The following EVC2 variants were observed in gnomAD, a reference collection of about 807,000 sequenced individuals.
EVC2 encodes the protein limbin.
A neutral mutation model predicts 149.3 loss-of-function variants in EVC2; 148 were observed. The observed-to-expected ratio is 0.99, with a 90% confidence interval of 0.87 to 1.14. The LOEUF is 1.14. Ranked by LOEUF, EVC2 falls within the 50% of genes most tolerant of loss-of-function variation. The probability of loss-of-function intolerance (pLI) is 0.00; values close to 1 mark genes in which losing one functional copy is unlikely to be tolerated. For synonymous variants in EVC2, 776 were observed against 649.9 expected, an observed-to-expected ratio of 1.19 and a Z score of -2.95; for missense variants, 1,854 against 1,627.3, an observed-to-expected ratio of 1.14 and a Z score of -2.40.
intron 9 of EVC2, among the ~76,000 whole-genome samples, chr4:5,648,011 A>C (rs59092055): frequency 6.6e-6 from 1 of 152,092 alleles, no homozygotes; most frequent in African/African-American, 2.4e-5. Context: ...ACGTCCCCTA[A>C]AGCTGACGTC....
chr4:5,621,108 T>C (rs1715655420), intron 14 of EVC2, among the ~76,000 whole-genome samples: 1 of 152,186 alleles, frequency 6.6e-6, no homozygotes, highest in Non-Finnish European at 1.5e-5. Context: ...CAAACCAAGA[T>C]AGTATCAATC....
chr4:5,618,711 AAC>A lies in EVC2; in HGVS notation c.2502-31_2502-30del. The A allele has an allele frequency of 6.4e-7, 1 of 1,559,860 alleles. No homozygotes were observed. Among genetic ancestry groups the A allele is most frequent in the South Asian group, 1.2e-5 (1 of 84,926 alleles). ...GGAGGAAGAACAGAGACACACTCTT[AAC>A]ACAGAGAAAGCCTGGGGGCTGGGCT... is the stretch of plus-strand genomic sequence containing the variant. On this transcript the variant is annotated intron_variant, in intron 14 of 21. Coordinates refer to ENST00000344408, the MANE Select transcript of EVC2 (RefSeq NM_147127.5). This position sits in a 1 kb window ranked among gnomAD's most constrained non-coding sequence, Gnocchi z 4.4.
rs555652075 is a variant in EVC2 at position 5,576,338 on chromosome 4, C to T, written c.3174G>A (p.Leu1058=). The change falls in exon 18 of 22, where the codon CTG becomes CTA. Residue 1058 remains leucine (L), a synonymous_variant. Coordinates refer to ENST00000344408, the MANE Select transcript of EVC2 (RefSeq NM_147127.5). The surrounding 1 kb of genome is among the most constrained non-coding windows in gnomAD (Gnocchi z 4.5). Reference sequence around the variant, plus strand: ...CAGAATCCACCTCCCCAGGTTCGTTCAGAATCCCGGGCCCATCGGCCACCC... The same window carrying T: ...CAGAATCCACCTCCCCAGGTTCGTTTAGAATCCCGGGCCCATCGGCCACCC... ...QQWVADGPGI[L]NEPGEVDSER... is the part of the protein sequence containing the mutation. 88 of 1,614,220 alleles carry T rather than the reference C, an allele frequency of 5.5e-5. No homozygotes were observed. In the South Asian group the frequency reaches 9.2e-4, roughly 17 times the overall value.
chr4:5,597,093 G>C (rs1165456050), intron 16 of EVC2, among the ~76,000 whole-genome samples: 1 of 152,076 alleles, frequency 6.6e-6, no homozygotes, highest in Non-Finnish European at 1.5e-5. Flanking sequence ...CAACCAAAAA[G>C]AGTCCAGGAC....
chr4:5,683,428 G>A (rs775048726), intron 6 of EVC2, among the ~76,000 whole-genome samples: 24 of 152,170 alleles, frequency 1.6e-4, no homozygotes, highest in Admixed American at 3.9e-4. Flanking sequence ...ATGCAGTTAC[G>A]TTTTTTAGTT....
At chr4:5,631,647 T>C (rs1183667091) in intron 11 of EVC2, 146 bp downstream of exon 11, 4 of 1,165,144 alleles carry the variant, frequency 3.4e-6, no homozygotes, top group Non-Finnish European at 4.8e-6. Context: ...CCCTGCTTAC[T>C]GGAAACTCAC....
rs1720080338 is a variant in EVC2 at position 5,677,630 on chromosome 4, C to T, written c.870+3630G>A. On this transcript the variant is annotated intron_variant, in intron 7 of 21. Coordinates refer to ENST00000344408, the MANE Select transcript of EVC2 (RefSeq NM_147127.5). The surrounding 1 kb of genome is among the most constrained non-coding windows in gnomAD (Gnocchi z 4.3). ...GGCATCGGGGAAGAGCTCAGAAATACCCTTACATGAGCATTCTCTGCCTTT... is the reference window on the plus strand; with the variant it reads ...GGCATCGGGGAAGAGCTCAGAAATATCCTTACATGAGCATTCTCTGCCTTT... 6.6e-6 allele frequency among the ~76,000 whole-genome samples: 1 copy of T among 152,248 alleles called. No homozygotes were observed. The highest frequency in any genetic ancestry group is 2.1e-4 in the South Asian group (1 of 4,836).
intron 9 of EVC2, among the ~76,000 whole-genome samples, chr4:5,644,240 CTTCT>C (rs1332147542): frequency 2.0e-5 from 3 of 152,082 alleles, no homozygotes; most frequent in African/African-American, 7.2e-5. Flanking sequence ...ATTTGTTTTC[CTTCT>C]TTTTTTGAGT....
chr4:5,658,732 G>A (rs1718690224), intron 9 of EVC2, among the ~76,000 whole-genome samples: 1 of 152,230 alleles, frequency 6.6e-6, no homozygotes, highest in Non-Finnish European at 1.5e-5. Flanking sequence ...ATTACTACCT[G>A]TGTGACCTTA....
intron 7 of EVC2, among the ~76,000 whole-genome samples, chr4:5,673,049 G>A (rs1377045828): frequency 6.6e-6 from 1 of 152,210 alleles, no homozygotes; most frequent in Non-Finnish European, 1.5e-5. Context: ...TGGGGAAAAT[G>A]TTCTGTAAGC....
chr4:5,536,583 G>C, the EVC2 span, among the ~76,000 whole-genome samples: 4 of 152,098 alleles, frequency 2.6e-5, no homozygotes, highest in African/African-American at 4.8e-5. Context: ...AGGAGATCGA[G>C]ACCATCTTGG....
At chr4:5,689,048 G>A (rs1326678121) in intron 5 of EVC2, 109 bp downstream of exon 5, 9 of 1,199,984 alleles carry the variant, frequency 7.5e-6, no homozygotes, top group African/African-American at 1.5e-5. Context: ...TTAGGAGAGT[G>A]AACATGTGTA....
chr4:5,593,151 A>C (rs930807256), intron 16 of EVC2, among the ~76,000 whole-genome samples: 1 of 152,134 alleles, frequency 6.6e-6, no homozygotes, highest in Admixed American at 6.5e-5. Context: ...GAATCAATTA[A>C]ACCTCTTTCC....
chr4:5,546,741 G>C (rs1352956189), intron 21 of EVC2, among the ~76,000 whole-genome samples: 1 of 151,774 alleles, frequency 6.6e-6, no homozygotes, highest in African/African-American at 2.4e-5. Context: ...AAAAAAAAGG[G>C]AACTGACATA....
Position 5,637,897 on chromosome 4 carries a change from C to G in EVC2, c.1470+2617G>C, listed in dbSNP as rs539496413. On this transcript the variant is annotated intron_variant, in intron 10 of 21. Transcript: ENST00000344408. This position sits in a 1 kb window ranked among gnomAD's most constrained non-coding sequence, Gnocchi z 4.4. ...TAAGGGGCCATATTTTAGAGTTTGTCACCTGAGGTCTCTGTTATGTATTCT... is the reference window on the plus strand; with the variant it reads ...TAAGGGGCCATATTTTAGAGTTTGTGACCTGAGGTCTCTGTTATGTATTCT... Among the ~76,000 whole-genome samples, 1 of 150,746 alleles carries G rather than the reference C, an allele frequency of 6.6e-6. No homozygotes were observed. The highest frequency in any genetic ancestry group is 1.5e-5 in the Non-Finnish European group (1 of 67,880).
At chr4:5,629,645 T>C (rs182961335) in intron 11 of EVC2, among the ~76,000 whole-genome samples, 6 of 152,342 alleles carry the variant, frequency 3.9e-5, no homozygotes, top group African/African-American at 1.2e-4. Flanking sequence ...ACATAAGAGC[T>C]GTAACATCTC....
At chr4:5,580,637 C>G (rs1341869373) in intron 17 of EVC2, among the ~76,000 whole-genome samples, 4 of 152,214 alleles carry the variant, frequency 2.6e-5, no homozygotes, top group Admixed American at 6.5e-5. Flanking sequence ...CTGCTCTTCC[C>G]TCTGCAGGCT....
chr4:5,577,984 C>T (rs1283125186), intron 17 of EVC2, among the ~76,000 whole-genome samples: 8 of 152,110 alleles, frequency 5.3e-5, no homozygotes, highest in East Asian at 1.9e-4. Context: ...ATCAGAGGAA[C>T]GGTGGAACAC....
chr4:5,570,834 G>A (rs528290248), intron 19 of EVC2, among the ~76,000 whole-genome samples: 1 of 152,236 alleles, frequency 6.6e-6, no homozygotes, highest in South Asian at 2.1e-4. Context: ...ATGAAATAAT[G>A]GCCTTTGCAG....
Sources: allele counts gnomAD v4.1 joint callset (sites outside exome capture counted in the v4.1 genomes callset), GRCh38; gene constraint gnomAD v4.1.1; non-coding constraint Gnocchi (gnomAD v3.1); transcripts MANE v1.5; gene names NCBI Gene and HGNC (gene_info 2026-07-23, HGNC 2026-07-21).